TENM1: variants seen among roughly 807,000 people sequenced by gnomAD.
The protein encoded by TENM1 is teneurin-1.
In TENM1, 35 loss-of-function variants were observed where a neutral mutation model predicts 174.8. The observed-to-expected ratio is 0.20, with a 90% confidence interval of 0.15 to 0.27. The LOEUF (loss-of-function observed/expected upper bound fraction) is 0.27, where lower values mean the gene tolerates loss of function less well. TENM1 is among the 10% of genes least tolerant of loss of function. The pLI, the probability that TENM1 is intolerant of heterozygous loss-of-function variation, is 1.00. For missense variants in TENM1, 1,633 were observed against 2,130.1 expected (o/e 0.77, Z 4.59); for synonymous variants, 781 against 798.7 (o/e 0.98, Z 0.37).
chrX:124,910,928 T>A (rs1425865871), intron 1 of TENM1, among the ~76,000 whole-genome samples: 2 of 109,880 alleles, frequency 1.8e-5, no homozygotes, highest in African/African-American at 6.6e-5. Flanking sequence ...TTTTTTTTTT[T>A]TTTGAGACAG....
rs115678671 is a variant in TENM1 at position 124,510,479 on chromosome X, T to C, written c.3302-6776A>G. 5.0e-3 allele frequency among the ~76,000 whole-genome samples: 566 copies of C among 112,232 alleles called. 3 individuals are homozygous for C. Among genetic ancestry groups the C allele is most frequent in the African/African-American group, 0.017 (541 of 30,920 alleles). On this transcript the variant is annotated intron_variant, in intron 18 of 31. Coordinates refer to ENST00000422452, the Ensembl canonical transcript of TENM1. Reference sequence around the variant, plus strand: ...TTATGTTGTTTTCTTGATGTAATTATTAACAGTATCTCCTTTTACTCTCAA... The same window carrying C: ...TTATGTTGTTTTCTTGATGTAATTACTAACAGTATCTCCTTTTACTCTCAA...
intron 15 of TENM1, among the ~76,000 whole-genome samples, chrX:124,531,814 T>G (rs2048113532): frequency 8.9e-6 from 1 of 112,525 alleles, no homozygotes; most frequent in African/African-American, 3.2e-5. Flanking sequence ...GAACTAATTC[T>G]GGCAGATCTG....
chrX:124,927,235 G>A (rs1246943956), intron 1 of TENM1, among the ~76,000 whole-genome samples: 1 of 111,121 alleles, frequency 9.0e-6, no homozygotes, highest in Non-Finnish European at 1.9e-5. Context: ...AAAAAATCTG[G>A]CAATAAACCA....
the TENM1 span, among the ~76,000 whole-genome samples, chrX:125,155,542 G>C: frequency 1.8e-5 from 2 of 109,571 alleles, no homozygotes; most frequent in Non-Finnish European, 3.8e-5. Flanking sequence ...GGGGAGACTC[G>C]GGCTGCACAG....
In TENM1 at chrX:124,435,977, C is replaced by T. The variant is rs758117598; in HGVS notation, c.4105-13339G>A. The stretch of plus-strand genomic sequence containing the variant: ...CAATAAAAGGGGAGGCAAAATCACC[C>T]TCACGAATAGCAAATCTGGCTGAGG... On this transcript the variant is annotated intron_variant, in intron 23 of 31. Transcript: ENST00000422452. Among the ~76,000 whole-genome samples the T allele has an allele frequency of 2.0e-4, 22 of 111,803 alleles. 1 individual carries two copies. In the South Asian group the frequency reaches 6.5e-3, roughly 33 times the overall value.
At chrX:124,983,209 T>C in the TENM1 span, among the ~76,000 whole-genome samples, 1 of 111,164 alleles carries the variant, frequency 9.0e-6, no homozygotes, top group Non-Finnish European at 1.9e-5. Flanking sequence ...ATTCTAACAT[T>C]GCAATGAAAA....
the TENM1 span, among the ~76,000 whole-genome samples, chrX:125,034,413 T>G: frequency 9.0e-6 from 1 of 111,336 alleles, no homozygotes. Context: ...AGGTACAAGT[T>G]TGGGACCTGT....
the TENM1 span, among the ~76,000 whole-genome samples, chrX:125,083,011 T>G: frequency 5.4e-5 from 6 of 111,440 alleles, no homozygotes; most frequent in South Asian, 2.2e-3. Context: ...CCGATTACAA[T>G]GCAAATTCCA....
rs766603058 is a variant in TENM1 at position 124,481,709 on chromosome X, A to ATATATATATATATATT, written c.3949+22_3949+23insAATATATATATATATA. 6 of 401,113 alleles carry ATATATATATATATATT rather than the reference A, an allele frequency of 1.5e-5. No homozygotes were observed. The East Asian group carries it at 1.8e-4, about 12-fold the overall frequency. 33.1% of individuals were successfully genotyped at this position (401,113 alleles called of 1,213,427 possible). ...ATGACCCAAGGGTATATATATATAT[A>ATATATATATATATATT]TATTTATTTATTTATTTTTTACCTC... is the stretch of plus-strand genomic sequence containing the variant. On this transcript the variant is annotated intron_variant, in intron 22 of 31. Transcript: ENST00000422452.
chrX:125,028,815 G>A, the TENM1 span, among the ~76,000 whole-genome samples: 2 of 111,664 alleles, frequency 1.8e-5, no homozygotes, highest in Non-Finnish European at 3.8e-5. Flanking sequence ...CATCTAGGGT[G>A]AAAGAGGGAA....
the TENM1 span, among the ~76,000 whole-genome samples, chrX:125,031,311 T>A: frequency 6.3e-5 from 7 of 111,445 alleles, no homozygotes; most frequent in Non-Finnish European, 9.4e-5. Flanking sequence ...TTATTATAAA[T>A]TAATATAAAT....
chrX:124,457,906 A>G (rs1202663244), intron 22 of TENM1, among the ~76,000 whole-genome samples: 1 of 112,128 alleles, frequency 8.9e-6, no homozygotes, highest in Non-Finnish European at 1.9e-5. Context: ...AGCTTTGGAA[A>G]GCAGTCATAA....
At chrX:124,844,502 G>T (rs930009612) in intron 3 of TENM1, among the ~76,000 whole-genome samples, 7 of 111,137 alleles carry the variant, frequency 6.3e-5, no homozygotes, top group African/African-American at 2.3e-4. Flanking sequence ...TGTGGTTGAC[G>T]GGGGTGGTAA....
At chrX:124,534,068 C>T (rs1443869801) in intron 15 of TENM1, among the ~76,000 whole-genome samples, 3 of 111,776 alleles carry the variant, frequency 2.7e-5, no homozygotes, top group African/African-American at 9.8e-5. Flanking sequence ...TTCCTGTTCT[C>T]TAGAGAATAC....
chrX:124,817,565 C>A (rs1362380499), intron 3 of TENM1, among the ~76,000 whole-genome samples: 1 of 111,621 alleles, frequency 9.0e-6, no homozygotes, highest in African/African-American at 3.3e-5. Flanking sequence ...AAATCTTATA[C>A]TAAGTGGTTT....
At chrX:124,911,278 A>G (rs745464052) in intron 1 of TENM1, among the ~76,000 whole-genome samples, 3 of 111,472 alleles carry the variant, frequency 2.7e-5, no homozygotes, top group Non-Finnish European at 5.7e-5. Context: ...ATGTTATTCA[A>G]TAAGCACTCA....
chrX:124,907,243 A>G (rs1432657154), intron 1 of TENM1, among the ~76,000 whole-genome samples: 1 of 112,138 alleles, frequency 8.9e-6, no homozygotes, highest in Non-Finnish European at 1.9e-5. Flanking sequence ...TCAATGAGGG[A>G]AATGGACAGA....
At chrX:124,520,760 G>C in exon 18 of TENM1, 1 of 1,192,212 alleles carries the variant, frequency 8.4e-7, no homozygotes, top group Non-Finnish European at 1.1e-6. Context: ...AAGCTGGAGG[G>C]AATGGGAATT....
Position 124,737,210 on chromosome X carries a change from G to A in TENM1, c.536-13C>T. 1 of 1,179,554 alleles carries A rather than the reference G, an allele frequency of 8.5e-7. No homozygotes were observed. Among genetic ancestry groups the A allele is most frequent in the Non-Finnish European group, 1.1e-6 (1 of 880,029 alleles). On this transcript the variant is annotated splice_polypyrimidine_tract_variant and intron_variant, in intron 3 of 31. Transcript: ENST00000422452. The stretch of plus-strand genomic sequence containing the variant: ...CTGCTCTGCACATCTAAAGAGGAGA[G>A]AAGAGAAACATAAAATAGAGACTTA...
Sources: allele counts gnomAD v4.1 joint callset (sites outside exome capture counted in the v4.1 genomes callset), GRCh38; gene constraint gnomAD v4.1.1; transcripts MANE v1.5; gene names NCBI Gene and HGNC (gene_info 2026-07-23, HGNC 2026-07-21).